Variants in FMNL3 observed in about 807,000 individuals in gnomAD.
FMNL3 encodes the protein formin like 3.
FMNL3 carries 57 observed loss-of-function variants against 119.6 expected under a neutral mutation model. The ratio of observed to expected loss-of-function variants is 0.48; its 90% confidence interval spans 0.39 to 0.59. The LOEUF (loss-of-function observed/expected upper bound fraction) is 0.59, where lower values mean the gene tolerates loss of function less well. Among genes scored for constraint, FMNL3 ranks in the 20% least tolerant of loss-of-function variants. The probability of loss-of-function intolerance (pLI) is 0.00; values close to 1 mark genes in which losing one functional copy is unlikely to be tolerated. For missense variants in FMNL3, 1,053 were observed against 1,323.5 expected (o/e 0.80, Z 3.17); for synonymous variants, 491 against 507.3 (o/e 0.97, Z 0.43).
intron 13 of FMNL3, 164 bp from the exon 14 acceptor site, chr12:49,652,376 G>A: frequency 7.4e-7 from 1 of 1,358,258 alleles, no homozygotes; most frequent in Non-Finnish European, 9.7e-7. Flanking sequence ...GAAGCTGGAA[G>A]GCAGCAAAAC....
intron 1 of FMNL3, among the ~76,000 whole-genome samples, chr12:49,703,112 T>C (rs1944953472): frequency 6.6e-6 from 1 of 152,214 alleles, no homozygotes; most frequent in Non-Finnish European, 1.5e-5. Flanking sequence ...CTAAGGGATA[T>C]ACAGGGCTTT....
intron 4 of FMNL3, among the ~76,000 whole-genome samples, chr12:49,662,384 G>C (rs973664755): frequency 3.3e-5 from 5 of 152,156 alleles, no homozygotes; most frequent in African/African-American, 1.2e-4. Context: ...CTCAGTGTTT[G>C]TTGGAAGAAT....
At chr12:49,678,005 C>T (rs1384837890) in intron 1 of FMNL3, among the ~76,000 whole-genome samples, 1 of 150,822 alleles carries the variant, frequency 6.6e-6, no homozygotes, top group East Asian at 2.0e-4. Context: ...TGGGACTACA[C>T]ACATCCGCCA....
At chr12:49,648,109 A>G in intron 22 of FMNL3, 84 bp downstream of exon 22, 1 of 1,482,898 alleles carries the variant, frequency 6.7e-7, no homozygotes, top group Non-Finnish European at 9.0e-7. Context: ...TGATTTAAAA[A>G]AAAAAAAAAA....
rs201183858 is a variant in FMNL3, at chr12:49,658,524, T to A, written c.523A>T (p.Ile175Phe). The A allele has an allele frequency of 3.3e-4, 534 of 1,613,498 alleles. No individual in the cohort carries two copies. The highest frequency in any genetic ancestry group is 4.3e-4 in the Admixed American group (26 of 59,962). ...GCGCTGGGTGGCTGCAGGTCCTCGA[T>A]TGACCTGCTCCAGGACCGGAGTTTG... is the stretch of plus-strand genomic sequence containing the variant. The part of the protein sequence containing the change: ...FDKLRSWSRS[I>F]EDLQPPSALS... The change falls in exon 6 of 26, where the codon ATC becomes TTC. Residue 175 changes from isoleucine to phenylalanine, a missense_variant. Physicochemically the swap from Ile to Phe is conservative, Grantham distance 21. Transcript: ENST00000335154.
Position 49,641,771 on chromosome 12 carries a change from T to C in FMNL3, c.*4044A>G. ...TGATGAGGACTTGGATAACTTGGTT[T>C]CTAATGCAGACCACAGTCCTGTGGA... On this transcript the variant is annotated 3_prime_UTR_variant, in exon 26 of 26. Coordinates refer to ENST00000335154, the MANE Select transcript of FMNL3 (RefSeq NM_175736.5). The C allele has an allele frequency of 1.5e-6, 1 of 673,002 alleles. No homozygotes were observed. Among genetic ancestry groups the C allele is most frequent in the South Asian group, 1.8e-5 (1 of 54,270 alleles). 41.7% of individuals were successfully genotyped at this position (673,002 alleles called of 1,614,324 possible). A position where few individuals can be genotyped will look rare whatever the true frequency, so the allele number is the denominator to read the frequency against.
chr12:49,686,625 A>ACTGTCG (rs1291025316), intron 1 of FMNL3, among the ~76,000 whole-genome samples: 1 of 149,864 alleles, frequency 6.7e-6, no homozygotes, highest in Non-Finnish European at 1.5e-5. Flanking sequence ...TATGTCAGTC[A>ACTGTCG]CTGAGCCCCA....
chr12:49,637,551 G>C lies in FMNL3; in HGVS notation c.*8264C>G. On this transcript the variant is annotated 3_prime_UTR_variant, in exon 26 of 26. Coordinates refer to ENST00000335154, the MANE Select transcript of FMNL3 (RefSeq NM_175736.5). ...GGAGCTATATCCAGCAGTCAGCACT[G>C]ATGTCCGCTTTGCCAACATGCTGGG... is the stretch of plus-strand genomic sequence containing the variant. 1 of 1,613,878 alleles carries C rather than the reference G, an allele frequency of 6.2e-7. No individual in the cohort carries two copies. Among genetic ancestry groups the C allele is most frequent in the Non-Finnish European group, 8.5e-7 (1 of 1,180,036 alleles).
chr12:49,636,985 T>A lies in FMNL3; in HGVS notation c.*8830A>T. 1 of 1,289,470 alleles carries A rather than the reference T, an allele frequency of 7.8e-7. No homozygotes were observed. The highest frequency in any genetic ancestry group is 1.5e-5 in the African/African-American group (1 of 68,302). 79.9% of individuals were successfully genotyped at this position (1,289,470 alleles called of 1,614,324 possible). A position where few individuals can be genotyped will look rare whatever the true frequency, so the allele number is the denominator to read the frequency against. On this transcript the variant is annotated 3_prime_UTR_variant, in exon 26 of 26. Transcript: ENST00000335154. ...CCCTGTCCAAGCTCTATGAGACCTC[T>A]CTCTGCCTGCAGTCTGTTTCTGCTG...
intron 5 of FMNL3, chr12:49,659,757 C>T: frequency 1.0e-6 from 1 of 985,358 alleles, no homozygotes; most frequent in Non-Finnish European, 1.2e-6. Flanking sequence ...GGAAGATGGC[C>T]AAGATCACAA....
intron 1 of FMNL3, among the ~76,000 whole-genome samples, chr12:49,691,453 C>T (rs1330829684): frequency 6.6e-6 from 1 of 152,066 alleles, no homozygotes; most frequent in East Asian, 1.9e-4. Context: ...TGTGCCAAGG[C>T]TGGAGATGCA....
intron 1 of FMNL3, among the ~76,000 whole-genome samples, chr12:49,680,952 A>G (rs752028613): frequency 6.6e-6 from 1 of 152,254 alleles, no homozygotes; most frequent in South Asian, 2.1e-4. Flanking sequence ...CCTTACAAAG[A>G]AAACAAATCT....
At chr12:49,695,931 C>T (rs376706824) in intron 1 of FMNL3, among the ~76,000 whole-genome samples, 1 of 152,222 alleles carries the variant, frequency 6.6e-6, no homozygotes, top group East Asian at 1.9e-4. Context: ...AGATATTCCC[C>T]CAAGGACCTC....
intron 8 of FMNL3, 95 bp from the exon 9 acceptor site, chr12:49,656,592 G>A: frequency 2.5e-6 from 3 of 1,180,894 alleles, no homozygotes; most frequent in Non-Finnish European, 3.7e-6. Flanking sequence ...TTGGAGAGTG[G>A]AGAAAGCCTC....
In FMNL3 at chr12:49,643,113, G is replaced by T; in HGVS notation, c.*2702C>A. ...CTTACAATATCTCCCTTGGAGGGAA[G>T]TTTGAGGATTCCTTTGGCCCTGGGT... is the stretch of plus-strand genomic sequence containing the variant. On this transcript the variant is annotated 3_prime_UTR_variant, in exon 26 of 26. Transcript: ENST00000335154. 12 of 1,586,834 alleles carry T rather than the reference G, an allele frequency of 7.6e-6. No individual in the cohort carries two copies. The highest frequency in any genetic ancestry group is 1.0e-5 in the Non-Finnish European group (12 of 1,158,508).
intron 1 of FMNL3, among the ~76,000 whole-genome samples, chr12:49,703,550 A>G (rs1184037927): frequency 6.6e-6 from 1 of 152,174 alleles, no homozygotes; most frequent in East Asian, 1.9e-4. Context: ...CTGTTTCTAC[A>G]GTACATGGGG....
chr12:49,637,648 C>T lies in FMNL3; in HGVS notation c.*8167G>A. On this transcript the variant is annotated 3_prime_UTR_variant, in exon 26 of 26. Transcript: ENST00000335154. ...CTGCCCTGCCAGCCTCTCTGCACCC[C>T]CTACTACCGGCTCCTGTCCTCGGCC... 1.9e-6 allele frequency: 3 copies of T among 1,569,140 alleles called. No homozygotes were observed. Among genetic ancestry groups the T allele is most frequent in the East Asian group, 2.2e-5 (1 of 44,536 alleles).
In FMNL3 at chr12:49,639,404, G is replaced by A. The variant is rs1427469401; in HGVS notation, c.*6411C>T. The stretch of plus-strand genomic sequence containing the variant: ...AGCTGGGTTAGAGGGATGGAAGAGG[G>A]TGAGCAGGGAGAAAAGTCAGTAGGC... On this transcript the variant is annotated 3_prime_UTR_variant, in exon 26 of 26. Coordinates refer to ENST00000335154, the MANE Select transcript of FMNL3 (RefSeq NM_175736.5). 6.6e-6 allele frequency: 1 copy of A among 152,322 alleles called. No individual in the cohort carries two copies. The highest frequency in any genetic ancestry group is 6.5e-5 in the Admixed American group (1 of 15,286). 9.4% of individuals were successfully genotyped at this position (152,322 alleles called of 1,614,324 possible). A position where few individuals can be genotyped will look rare whatever the true frequency, so the allele number is the denominator to read the frequency against.
intron 13 of FMNL3, among the ~76,000 whole-genome samples, chr12:49,652,640 C>A (rs1242548107): frequency 6.6e-6 from 1 of 152,188 alleles, no homozygotes; most frequent in African/African-American, 2.4e-5. Flanking sequence ...CTGTCTTAAC[C>A]ATCTCTGTAT....
Sources: gnomAD v4.1 joint callset for allele counts (sites outside exome capture counted in the v4.1 genomes callset) on GRCh38, gnomAD v4.1.1 for gene constraint, MANE v1.5 for transcripts, NCBI Gene and HGNC (gene_info 2026-07-23, HGNC 2026-07-21) for gene names.